FHIT: variants seen among roughly 807,000 people sequenced by gnomAD.
FHIT encodes the protein fragile histidine triad diadenosine triphosphatase.
FHIT carries 19 observed loss-of-function variants against 17.9 expected under a neutral mutation model. The ratio of observed to expected loss-of-function variants is 1.06; its 90% CI spans 0.74 to 1.56. The LOEUF is 1.56. FHIT is among the 40% of genes most tolerant of loss of function. FHIT has a pLI of 0.00. For missense variants in FHIT, 248 were observed against 189.2 expected (o/e 1.31, Z -1.82); for synonymous variants, 81 against 69.7 (o/e 1.16, Z -0.81).
chr3:60,609,768 G>T (rs185384006), intron 4 of FHIT, among the ~76,000 whole-genome samples: 2 of 152,176 alleles, frequency 1.3e-5, no homozygotes, highest in Admixed American at 1.3e-4. Context: ...TGCCTCAAAG[G>T]TCTGATTTCT....
chr3:60,461,387 G>A (rs1244803397), intron 5 of FHIT, among the ~76,000 whole-genome samples: 2 of 152,124 alleles, frequency 1.3e-5, no homozygotes, highest in Non-Finnish European at 2.9e-5. Flanking sequence ...CTCTCCAGCA[G>A]CCCCTAGAGA....
chr3:60,379,493 C>T (rs926813204), intron 5 of FHIT, among the ~76,000 whole-genome samples: 1 of 152,152 alleles, frequency 6.6e-6, no homozygotes, highest in African/African-American at 2.4e-5. Context: ...GTAACACTAA[C>T]ACTTCTGTTT....
At chr3:60,954,427 GGA>G (rs782571038) in intron 3 of FHIT, among the ~76,000 whole-genome samples, 1 of 152,160 alleles carries the variant, frequency 6.6e-6, no homozygotes, top group Non-Finnish European at 1.5e-5. Flanking sequence ...AATAGGCTCT[GGA>G]GAGTTTAGAG....
intron 5 of FHIT, among the ~76,000 whole-genome samples, chr3:60,523,374 A>T (rs2107570726): frequency 6.6e-6 from 1 of 152,216 alleles, no homozygotes; most frequent in South Asian, 2.1e-4. Flanking sequence ...TAGTCACCTT[A>T]AATCATGTTT....
At chr3:60,963,191 T>C (rs113161197) in intron 3 of FHIT, among the ~76,000 whole-genome samples, 108 of 152,212 alleles carry the variant, frequency 7.1e-4, no homozygotes, top group Non-Finnish European at 1.3e-3. Context: ...TATCCATTTC[T>C]TCTAGATTTT....
At chr3:60,771,077 T>C (rs1199312871) in intron 4 of FHIT, among the ~76,000 whole-genome samples, 1 of 152,242 alleles carries the variant, frequency 6.6e-6, no homozygotes, top group Non-Finnish European at 1.5e-5. Flanking sequence ...TGAATGAAAC[T>C]GACTCCTATT....
chr3:60,193,454 A>C (rs1296584683), intron 5 of FHIT, among the ~76,000 whole-genome samples: 1 of 152,234 alleles, frequency 6.6e-6, no homozygotes, highest in Non-Finnish European at 1.5e-5. Context: ...TTTCTAAAAG[A>C]AAACTAAATA....
chr3:60,275,066 C>T (rs1335484590), intron 5 of FHIT, among the ~76,000 whole-genome samples: 1 of 151,994 alleles, frequency 6.6e-6, no homozygotes, highest in Non-Finnish European at 1.5e-5. Flanking sequence ...TATTTAAAGA[C>T]TCCTTATGGC....
intron 2 of FHIT, among the ~76,000 whole-genome samples, chr3:61,184,630 G>A (rs1300234476): frequency 6.6e-6 from 1 of 152,082 alleles, no homozygotes; most frequent in Non-Finnish European, 1.5e-5. Context: ...TAAGTGCCAG[G>A]GCAAGTTCCC....
intron 1 of FHIT, among the ~76,000 whole-genome samples, chr3:61,205,914 A>G (rs1309472084): frequency 1.3e-5 from 2 of 148,236 alleles, no homozygotes; most frequent in Admixed American, 6.8e-5. Context: ...CCTGAATGGT[A>G]TTGCCTAGGT....
intron 3 of FHIT, among the ~76,000 whole-genome samples, chr3:61,022,207 C>G (rs914876794): frequency 6.6e-6 from 1 of 151,276 alleles, no homozygotes; most frequent in Non-Finnish European, 1.5e-5. Flanking sequence ...TCAGAGAATA[C>G]ATAAACACCT....
intron 5 of FHIT, among the ~76,000 whole-genome samples, chr3:60,364,698 T>C (rs1700039777): frequency 1.3e-5 from 2 of 152,194 alleles, no homozygotes; most frequent in Admixed American, 1.3e-4. Context: ...TTTCTGTGTG[T>C]ATCAGTGAGG....
chr3:60,415,143 G>A (rs922668821), intron 5 of FHIT, among the ~76,000 whole-genome samples: 10 of 152,146 alleles, frequency 6.6e-5, no homozygotes, highest in Non-Finnish European at 1.5e-4. Flanking sequence ...ATGGTACCCT[G>A]TAAATGGCAA....
At chr3:60,072,191 C>A (rs1000399643) in intron 5 of FHIT, among the ~76,000 whole-genome samples, 32 of 152,326 alleles carry the variant, frequency 2.1e-4, no homozygotes, top group Middle Eastern at 3.4e-3. Flanking sequence ...TGAAGAGAGA[C>A]AAACACTCTT....
At position 60,537,081 on chromosome 3, in the gene FHIT, C is replaced by A. The variant is rs545480156; in HGVS notation, c.-17-102G>T. 49 of 909,570 alleles carry A rather than the reference C, an allele frequency of 5.4e-5. No individual in the cohort carries two copies. The South Asian group carries it at 1.2e-3, about 22-fold the overall frequency. The allele number at this position is 909,570 out of a possible 1,614,324, so 56.3% of individuals were successfully genotyped here. On this transcript the variant is annotated intron_variant, in intron 4 of 9. Coordinates refer to ENST00000492590, the MANE Select transcript of FHIT (RefSeq NM_002012.4). ...TTCCATTACTACAGATTCTTAGTTG[C>A]AGAGAGGATGCCATTGAAATTGTTC...
chr3:60,768,594 T>TA (rs1699929684), intron 4 of FHIT, among the ~76,000 whole-genome samples: 1 of 152,250 alleles, frequency 6.6e-6, no homozygotes, highest in South Asian at 2.1e-4. Flanking sequence ...GTTGGAGAGT[T>TA]AGTTTTTTGA....
intron 2 of FHIT, among the ~76,000 whole-genome samples, chr3:61,096,969 C>G (rs572072219): frequency 4.0e-5 from 6 of 151,260 alleles, no homozygotes; most frequent in Non-Finnish European, 8.8e-5. Flanking sequence ...CAGCCAGCTA[C>G]GCCGAAGGCT....
At position 60,466,316 on chromosome 3, in the gene FHIT, G is replaced by A. The variant is rs910570787; in HGVS notation, c.103+70544C>T. 4.6e-5 allele frequency among the ~76,000 whole-genome samples: 7 copies of A among 151,852 alleles called. No homozygotes were observed. In the East Asian group the frequency reaches 7.7e-4, roughly 17 times the overall value. ...TTTAGATTTTTCCAAATATAAGATC[G>A]TATCATCTGCAAACAAGGATAATTT... On this transcript the variant is annotated intron_variant, in intron 5 of 9. Coordinates refer to ENST00000492590, the MANE Select transcript of FHIT (RefSeq NM_002012.4).
intron 7 of FHIT, among the ~76,000 whole-genome samples, chr3:60,010,786 T>G (rs1299117527): frequency 2.6e-5 from 4 of 152,122 alleles, no homozygotes; most frequent in African/African-American, 9.7e-5. Context: ...CTAGCACACT[T>G]AAAAACCCAT....
Sources: gnomAD v4.1 joint callset for allele counts (sites outside exome capture counted in the v4.1 genomes callset) on GRCh38, gnomAD v4.1.1 for gene constraint, MANE v1.5 for transcripts, NCBI Gene and HGNC (gene_info 2026-07-23, HGNC 2026-07-21) for gene names.